Variants in SRSF11 observed in about 807,000 individuals in gnomAD.
SRSF11 encodes the protein serine/arginine-rich splicing factor 11.
SRSF11 carries 9 observed loss-of-function variants against 56.0 expected under a neutral mutation model. The ratio of observed to expected loss-of-function variants is 0.16; its 90% CI spans 0.10 to 0.28. The LOEUF (loss-of-function observed/expected upper bound fraction) is 0.28. SRSF11 is among the 10% of genes least tolerant of loss of function. SRSF11 has a pLI of 1.00. For missense variants in SRSF11, 421 were observed against 600.7 expected (o/e 0.70, Z 3.13); for synonymous variants, 222 against 215.3 (o/e 1.03, Z -0.27).
intron 9 of SRSF11, 72 bp downstream of exon 9, chr1:70,246,979 G>A: frequency 1.6e-6 from 2 of 1,289,542 alleles, no homozygotes; most frequent in South Asian, 1.6e-5. Context: ...TACGCTGTCA[G>A]TATGAAGTCT....
At chr1:70,231,201 A>G in intron 2 of SRSF11, 1 of 1,254,762 alleles carries the variant, frequency 8.0e-7, no homozygotes, top group Non-Finnish European at 1.0e-6. Flanking sequence ...CCCTGTACAT[A>G]TTGTATGTTT....
rs200093391 is a variant in SRSF11 at position 70,221,651 on chromosome 1, C to G, written c.15C>G (p.Thr5=). MSNT[T]VVPSTAGPGP... The stretch of plus-strand genomic sequence containing the variant: ...CGAGCAGCGCCATGAGCAACACTAC[C>G]GTCGTCCCCAGCACTGCAGGTCCGG... The change falls in exon 1 of 12, where the codon ACC becomes ACG. Residue 5 remains threonine, a synonymous_variant. Coordinates refer to ENST00000370949, the MANE Select transcript of SRSF11 (RefSeq NM_001350605.2). 3 of 1,611,436 alleles carry G rather than the reference C, an allele frequency of 1.9e-6. No homozygotes were observed. The highest frequency in any genetic ancestry group is 1.7e-6 in the Non-Finnish European group (2 of 1,178,602).
intron 1 of SRSF11, chr1:70,222,648 A>G (rs1670913739): frequency 6.6e-6 from 1 of 152,244 alleles, no homozygotes; most frequent in African/African-American, 2.4e-5. Context: ...AATTGGAATA[A>G]TAATAATAGT....
chr1:70,250,280 G>C, intron 10 of SRSF11, 85 bp from the exon 11 acceptor site: 1 of 1,560,778 alleles, frequency 6.4e-7, no homozygotes, highest in African/African-American at 1.4e-5. Flanking sequence ...GATCTTTGCT[G>C]TACTACTTAT....
intron 2 of SRSF11, chr1:70,231,777 C>A: frequency 7.7e-7 from 1 of 1,292,090 alleles, no homozygotes; most frequent in Non-Finnish European, 1.0e-6. Flanking sequence ...AAAAGAAAAT[C>A]ATAGTAACTG....
upstream of SRSF11, among the ~76,000 whole-genome samples, chr1:70,217,970 G>GCTTGTTT (rs1553221977): frequency 6.6e-6 from 1 of 151,656 alleles, no homozygotes; most frequent in East Asian, 1.9e-4. Context: ...GGTTTTTTTT[G>GCTTGTTT]TTTGTTTTTT....
At chr1:70,228,023 A>G (rs1211418291) in intron 1 of SRSF11, among the ~76,000 whole-genome samples, 1 of 152,190 alleles carries the variant, frequency 6.6e-6, no homozygotes, top group African/African-American at 2.4e-5. Flanking sequence ...CCCTGATATA[A>G]AAATTGTTCA....
chr1:70,228,330 C>T, intron 1 of SRSF11, 92 bp from the exon 2 acceptor site: 1 of 931,130 alleles, frequency 1.1e-6, no homozygotes, highest in Non-Finnish European at 1.6e-6. Context: ...TTTTTTTAAT[C>T]TGTTTTACTT....
intron 2 of SRSF11, chr1:70,231,517 G>T (rs908045548): frequency 2.8e-6 from 3 of 1,061,748 alleles, no homozygotes; most frequent in Admixed American, 9.9e-5. Flanking sequence ...AGCATTTTTT[G>T]GTATGGTTAG....
chr1:70,209,976 A>AT, intron 1 of SRSF11, among the ~76,000 whole-genome samples: 1 of 151,782 alleles, frequency 6.6e-6, no homozygotes, highest in South Asian at 2.1e-4. Context: ...TGGCTTTGAA[A>AT]TTTGTATTAT....
At chr1:70,235,733 TTTCAGTGTCA>T (rs923776900) in intron 5 of SRSF11, among the ~76,000 whole-genome samples, 183 bp downstream of exon 5, 6 of 152,220 alleles carry the variant, frequency 3.9e-5, no homozygotes, top group Non-Finnish European at 7.3e-5. Flanking sequence ...AACTATTTTG[TTTCAGTGTCA>T]TTTGAGTCTT....
At chr1:70,233,103 G>A (rs999066746) in intron 3 of SRSF11, among the ~76,000 whole-genome samples, 1 of 152,028 alleles carries the variant, frequency 6.6e-6, no homozygotes, top group African/African-American at 2.4e-5. Context: ...AAGATTAGGA[G>A]TTCCTAAGCT....
intron 2 of SRSF11, chr1:70,228,896 A>G (rs760910920): frequency 3.0e-6 from 3 of 984,548 alleles, no homozygotes; most frequent in South Asian, 9.4e-5. Flanking sequence ...CACTCCATGT[A>G]TGCTTACAGA....
At chr1:70,213,861 G>T (rs906701509) in intron 1 of SRSF11, among the ~76,000 whole-genome samples, 2 of 152,010 alleles carry the variant, frequency 1.3e-5, no homozygotes, top group African/African-American at 4.8e-5. Context: ...TTGACTCTAG[G>T]GCCTGCATTA....
At chr1:70,235,091 A>G (rs760295637) in intron 4 of SRSF11, among the ~76,000 whole-genome samples, 3 of 152,180 alleles carry the variant, frequency 2.0e-5, no homozygotes, top group Non-Finnish European at 4.4e-5. Context: ...TTTTTCTATC[A>G]TGGAAATTTT....
rs532565518 is a variant in SRSF11, at chr1:70,212,883, T to A, written c.-26+7103T>A. Among the ~76,000 whole-genome samples the A allele has an allele frequency of 7.0e-4, 107 of 152,050 alleles. 1 individual carries two copies. The highest frequency in any genetic ancestry group is 2.5e-3 in the African/African-American group (102 of 41,478). On this transcript the variant is annotated intron_variant, in intron 1 of 12. Coordinates refer to the SRSF11 transcript ENST00000370950. ...CTGGGCAACATAGGGAGATGCTGTC[T>A]GTACAAAAAGTTTAAAATATTAGCT... is the stretch of plus-strand genomic sequence containing the variant.
intron 8 of SRSF11, among the ~76,000 whole-genome samples, chr1:70,245,538 C>T (rs1676555087): frequency 6.6e-6 from 1 of 152,132 alleles, no homozygotes; most frequent in Non-Finnish European, 1.5e-5. Flanking sequence ...TAAGGACTTT[C>T]TGATTACTAG....
chr1:70,214,898 T>G (rs948078416), intron 1 of SRSF11, among the ~76,000 whole-genome samples: 1 of 114,684 alleles, frequency 8.7e-6, no homozygotes, highest in African/African-American at 4.2e-5. Context: ...AGATAAGTTT[T>G]TTTTTTTTTT....
At chr1:70,239,077 T>C (rs1456882866) in intron 6 of SRSF11, among the ~76,000 whole-genome samples, 1 of 152,104 alleles carries the variant, frequency 6.6e-6, no homozygotes, top group Non-Finnish European at 1.5e-5. Context: ...AATCTTCCTA[T>C]TTGATGTGTT....
Sources: allele counts gnomAD v4.1 joint callset (sites outside exome capture counted in the v4.1 genomes callset), GRCh38; gene constraint gnomAD v4.1.1; transcripts MANE v1.5; gene names NCBI Gene and HGNC (gene_info 2026-07-23, HGNC 2026-07-21).